The following PCDH7 variants were observed in gnomAD, a reference collection of about 807,000 sequenced individuals.
PCDH7 encodes the protein protocadherin-7.
PCDH7 carries 17 observed loss-of-function variants against 58.9 expected under a neutral mutation model. The ratio of observed to expected loss-of-function variants is 0.29; its 90% confidence interval spans 0.20 to 0.43. The LOEUF (loss-of-function observed/expected upper bound fraction) is 0.43, where lower values mean the gene tolerates loss of function less well. Ranked by LOEUF, PCDH7 falls within the 20% of genes least tolerant of loss-of-function variation. The pLI, the probability that PCDH7 is intolerant of heterozygous loss-of-function variation, is 1.00. For synonymous variants in PCDH7, 664 were observed against 616.4 expected (o/e 1.08, Z -1.14); for missense variants, 1,274 against 1,441.0 (o/e 0.88, Z 1.88).
intron 2 of PCDH7, among the ~76,000 whole-genome samples, chr4:30,944,358 G>C (rs1330089593): frequency 1.3e-5 from 2 of 151,894 alleles, no homozygotes; most frequent in South Asian, 2.1e-4. Context: ...TGAATTTATT[G>C]TGACTATTTT....
chr4:31,104,078 G>A (rs1282230339), intron 3 of PCDH7, among the ~76,000 whole-genome samples: 1 of 152,166 alleles, frequency 6.6e-6, no homozygotes. Flanking sequence ...GCATTCCCAA[G>A]GGAGAATTCT....
chr4:30,958,837 T>C (rs561977796), intron 3 of PCDH7, among the ~76,000 whole-genome samples: 109 of 152,136 alleles, frequency 7.2e-4, no homozygotes, highest in African/African-American at 2.5e-3. Context: ...TTATTATAAA[T>C]TTAAGATTAA....
intron 3 of PCDH7, among the ~76,000 whole-genome samples, chr4:31,080,831 G>A (rs1383936157): frequency 1.3e-5 from 2 of 152,246 alleles, no homozygotes; most frequent in East Asian, 3.9e-4. Flanking sequence ...TGTGGGAGGG[G>A]CCAATGGGAG....
chr4:31,034,534 C>T (rs6448737), intron 3 of PCDH7, among the ~76,000 whole-genome samples: 93,975 of 151,708 alleles, frequency 0.62, 31,769 homozygotes, highest in African/African-American at 0.9. Context: ...AAAGCGTAGC[C>T]GCTCAGTACT....
chr4:30,837,630 T>G (rs1730656118), intron 1 of PCDH7, among the ~76,000 whole-genome samples: 1 of 152,056 alleles, frequency 6.6e-6, no homozygotes, highest in East Asian at 1.9e-4. Flanking sequence ...CATTTGTTTT[T>G]GAGTTAATAA....
chr4:30,766,999 G>T (rs1399511098), intron 1 of PCDH7, among the ~76,000 whole-genome samples: 1 of 151,870 alleles, frequency 6.6e-6, no homozygotes, highest in Non-Finnish European at 1.5e-5. Context: ...TCAAATATTT[G>T]TTGAAAGAGT....
In PCDH7 at chr4:30,922,267, G is replaced by A. The variant is rs538293942; in HGVS notation, c.287+1898G>A. 4.0e-5 allele frequency among the ~76,000 whole-genome samples: 6 copies of A among 151,570 alleles called. No homozygotes were observed. In the East Asian group the frequency reaches 7.7e-4, roughly 20 times the overall value. ...GAAGGCAGGATTAATTTAATTTAGG[G>A]GTATTACTACATCTGAGATTACCTG... is the stretch of plus-strand genomic sequence containing the variant. On this transcript the variant is annotated intron_variant, in intron 2 of 3. Coordinates refer to the PCDH7 transcript ENST00000509759.
chr4:31,119,632 C>T (rs985168126), intron 3 of PCDH7, among the ~76,000 whole-genome samples: 3 of 152,008 alleles, frequency 2.0e-5, no homozygotes, highest in Non-Finnish European at 1.5e-5. Flanking sequence ...TGCTGGAGTT[C>T]GACCTTTTGA....
At chr4:31,077,981 C>T (rs1759146491) in intron 3 of PCDH7, among the ~76,000 whole-genome samples, 1 of 152,050 alleles carries the variant, frequency 6.6e-6, no homozygotes, top group Admixed American at 6.5e-5. Context: ...TTAAAGGAAA[C>T]AGGAATATTT....
At chr4:31,009,160 G>T (rs934806903) in intron 3 of PCDH7, among the ~76,000 whole-genome samples, 2 of 152,076 alleles carry the variant, frequency 1.3e-5, no homozygotes, top group Non-Finnish European at 2.9e-5. Context: ...TGGAAATATT[G>T]TGTAATGTTT....
chr4:31,099,004 C>A (rs1167460918), intron 3 of PCDH7, among the ~76,000 whole-genome samples: 1 of 152,144 alleles, frequency 6.6e-6, no homozygotes. Flanking sequence ...TGGATTAGAG[C>A]CCCACCCTTA....
chr4:31,001,370 A>G (rs531013913), intron 3 of PCDH7, among the ~76,000 whole-genome samples: 1 of 152,240 alleles, frequency 6.6e-6, no homozygotes, highest in African/African-American at 2.4e-5. Context: ...TAAAACATTA[A>G]ACACATGCTT....
chr4:31,016,921 GTA>G (rs1402306875), intron 3 of PCDH7, among the ~76,000 whole-genome samples: 8 of 150,318 alleles, frequency 5.3e-5, no homozygotes, highest in African/African-American at 2.0e-4. Context: ...CTGTGTGTGT[GTA>G]CTGGGTGTGT....
chr4:30,941,525 T>C (rs1746040007), intron 2 of PCDH7, among the ~76,000 whole-genome samples: 1 of 151,988 alleles, frequency 6.6e-6, no homozygotes, highest in African/African-American at 2.4e-5. Flanking sequence ...TTGGCAAAGT[T>C]AGAATACAGT....
At chr4:30,942,971 T>C (rs1042205942) in intron 2 of PCDH7, among the ~76,000 whole-genome samples, 4 of 151,998 alleles carry the variant, frequency 2.6e-5, no homozygotes, top group African/African-American at 7.2e-5. Flanking sequence ...TGGAATACTT[T>C]TTGAAAATTA....
At chr4:30,825,674 T>C (rs1729012492) in intron 1 of PCDH7, among the ~76,000 whole-genome samples, 1 of 152,122 alleles carries the variant, frequency 6.6e-6, no homozygotes, top group Non-Finnish European at 1.5e-5. Context: ...AAGGAATGGG[T>C]CAAAATTTCA....
intron 1 of PCDH7, among the ~76,000 whole-genome samples, chr4:30,874,089 T>C (rs1735960693): frequency 6.6e-6 from 1 of 152,018 alleles, no homozygotes; most frequent in Admixed American, 6.6e-5. Context: ...ACTTTTACAC[T>C]GTTGGTGGGA....
At chr4:31,049,151 C>G (rs1756539475) in intron 3 of PCDH7, among the ~76,000 whole-genome samples, 1 of 152,036 alleles carries the variant, frequency 6.6e-6, no homozygotes, top group East Asian at 1.9e-4. Flanking sequence ...CCTCCCCACT[C>G]CTCCCACCCC....
At position 30,822,412 on chromosome 4, in the gene PCDH7, G is replaced by A. The variant is rs376950237; in HGVS notation, c.71-97741G>A. On this transcript the variant is annotated intron_variant, in intron 1 of 3. Coordinates refer to the PCDH7 transcript ENST00000509759. Reference sequence around the variant, plus strand: ...TCATTGTTGTGTTGCATTAAACAGCGACAGCCTGGCACAGAGTAACAGTGA... The same window carrying A: ...TCATTGTTGTGTTGCATTAAACAGCAACAGCCTGGCACAGAGTAACAGTGA... 4.6e-4 allele frequency among the ~76,000 whole-genome samples: 70 copies of A among 152,214 alleles called. 1 individual carries two copies. In the South Asian group the frequency reaches 0.013, roughly 29 times the overall value.
Sources: allele counts gnomAD v4.1 joint callset (sites outside exome capture counted in the v4.1 genomes callset), GRCh38; gene constraint gnomAD v4.1.1; transcripts MANE v1.5; gene names NCBI Gene and HGNC (gene_info 2026-07-23, HGNC 2026-07-21).